Variants in HIVEP3 observed in about 807,000 individuals in gnomAD.
The protein encoded by HIVEP3 is transcription factor HIVEP3.
In HIVEP3, 49 loss-of-function variants were observed where a neutral mutation model predicts 152.8. The ratio of observed to expected loss-of-function variants is 0.32; its 90% CI spans 0.26 to 0.41. The LOEUF (loss-of-function observed/expected upper bound fraction) is 0.41, where lower values mean the gene tolerates loss of function less well. HIVEP3 is among the 10% of genes least tolerant of loss of function. HIVEP3 has a pLI of 1.00. For missense variants in HIVEP3, 2,790 were observed against 3,103.3 expected (o/e 0.90, Z 2.40); for synonymous variants, 1,269 against 1,289.0 (o/e 0.98, Z 0.33).
chr1:41,757,343 T>C (rs1647372519), intron 1 of HIVEP3, among the ~76,000 whole-genome samples: 1 of 151,908 alleles, frequency 6.6e-6, no homozygotes, highest in African/African-American at 2.4e-5. Flanking sequence ...GGTCTCGATC[T>C]CCTGACGTCG....
intron 5 of HIVEP3, among the ~76,000 whole-genome samples, chr1:41,554,358 T>C (rs1424191331): frequency 6.6e-6 from 1 of 152,258 alleles, no homozygotes; most frequent in Non-Finnish European, 1.5e-5. Context: ...AGGTCTTCTC[T>C]ACACTGTTTA....
intron 2 of HIVEP3, among the ~76,000 whole-genome samples, chr1:41,697,662 G>T (rs1374305441): frequency 6.6e-6 from 1 of 152,178 alleles, no homozygotes; most frequent in African/African-American, 2.4e-5. Flanking sequence ...TTTGGGAGGG[G>T]CAGCACCCCT....
intron 1 of HIVEP3, among the ~76,000 whole-genome samples, chr1:41,924,457 C>G (rs983789862): frequency 6.6e-6 from 1 of 152,154 alleles, no homozygotes; most frequent in African/African-American, 2.4e-5. Flanking sequence ...AACAACAATA[C>G]TTACTATGTA....
chr1:41,755,071 G>A (rs544078744), intron 1 of HIVEP3, among the ~76,000 whole-genome samples: 1 of 152,344 alleles, frequency 6.6e-6, no homozygotes, highest in South Asian at 2.1e-4. Flanking sequence ...TATAGCTACA[G>A]TAATCAAGAA....
chr1:41,895,333 C>T lies in HIVEP3; in HGVS notation c.-801+23080G>A, dbSNP rs149017872. 4.1e-3 allele frequency among the ~76,000 whole-genome samples: 621 copies of T among 152,358 alleles called. 7 individuals are homozygous for T. Among genetic ancestry groups the T allele is most frequent in the African/African-American group, 0.015 (606 of 41,584 alleles). On this transcript the variant is annotated intron_variant, in intron 1 of 8. Transcript: ENST00000372583. ...ACATAAACTCATCTCCCCCTACACA[C>T]TCCACGTGGTCTGGCCCCAGCCTTC...
At chr1:41,702,166 T>G (rs1646372320) in intron 1 of HIVEP3, among the ~76,000 whole-genome samples, 1 of 152,010 alleles carries the variant, frequency 6.6e-6, no homozygotes, top group South Asian at 2.1e-4. Flanking sequence ...GCTCAACAAA[T>G]GGGCACCCGA....
At chr1:41,537,506 CA>C (rs1643429323) in intron 5 of HIVEP3, among the ~76,000 whole-genome samples, 1 of 152,196 alleles carries the variant, frequency 6.6e-6, no homozygotes, top group African/African-American at 2.4e-5. Flanking sequence ...GAGGTCCAGC[CA>C]TGGTGAGCTG....
At chr1:41,594,543 T>A (rs1270179288) in intron 3 of HIVEP3, among the ~76,000 whole-genome samples, 1 of 152,210 alleles carries the variant, frequency 6.6e-6, no homozygotes, top group Non-Finnish European at 1.5e-5. Flanking sequence ...TTTTAAAACC[T>A]GTTTCTTGAT....
chr1:41,950,378 A>G (rs1004414566), intron 1 of HIVEP3, among the ~76,000 whole-genome samples: 1 of 152,216 alleles, frequency 6.6e-6, no homozygotes, highest in African/African-American at 2.4e-5. Flanking sequence ...ACCAGCCCCA[A>G]GAGTATTTCC....
In HIVEP3 at chr1:41,522,845, C is replaced by T. The variant is rs187869809; in HGVS notation, c.5383+1890G>A. ...CTGAGGCGATGGGCAGCCCAGGCTG[C>T]GTGTGGGGCACAGGTGTGCTCTGCA... is the stretch of plus-strand genomic sequence containing the variant. On this transcript the variant is annotated intron_variant, in intron 6 of 8. Transcript: ENST00000372583. Among the ~76,000 whole-genome samples the T allele has an allele frequency of 3.7e-4, 57 of 152,324 alleles. 2 individuals are homozygous for T. In the East Asian group the frequency reaches 4.8e-3, roughly 13 times the overall value.
intron 1 of HIVEP3, among the ~76,000 whole-genome samples, chr1:41,781,354 A>C (rs770554549): frequency 2.0e-5 from 3 of 152,172 alleles, no homozygotes; most frequent in African/African-American, 4.8e-5. Context: ...CTAAACCCTA[A>C]ATGCCATTTC....
At chr1:41,856,029 G>A (rs999835351) in intron 1 of HIVEP3, among the ~76,000 whole-genome samples, 3 of 152,210 alleles carry the variant, frequency 2.0e-5, no homozygotes, top group Non-Finnish European at 2.9e-5. Flanking sequence ...GGGACTACAG[G>A]TGCATGCCAC....
In HIVEP3 at chr1:41,876,323, G is replaced by T. The variant is rs184177302; in HGVS notation, c.-801+42090C>A. On this transcript the variant is annotated intron_variant, in intron 1 of 8. Coordinates refer to ENST00000372583, the MANE Select transcript of HIVEP3 (RefSeq NM_024503.5). ...TGAAGATAGTGACAGAGAAGAGACC[G>T]GCTTTGCAGTCAGACTGCAGGGCCT... Among the ~76,000 whole-genome samples, 355 of 152,224 alleles carry T rather than the reference G, an allele frequency of 2.3e-3. 1 individual carries two copies. The highest frequency in any genetic ancestry group is 8.3e-3 in the African/African-American group (343 of 41,556).
intron 1 of HIVEP3, among the ~76,000 whole-genome samples, chr1:41,781,666 G>C (rs1056737319): frequency 5.3e-5 from 8 of 152,150 alleles, no homozygotes; most frequent in Non-Finnish European, 1.0e-4. Flanking sequence ...AGGGTCAATG[G>C]GATAGAGAAA....
intron 1 of HIVEP3, among the ~76,000 whole-genome samples, chr1:41,849,434 C>A (rs1208072759): frequency 6.6e-6 from 1 of 152,186 alleles, no homozygotes; most frequent in Non-Finnish European, 1.5e-5. Flanking sequence ...GTCACAACTT[C>A]TGGAAGCAGC....
intron 2 of HIVEP3, among the ~76,000 whole-genome samples, chr1:41,684,070 G>A (rs1415788409): frequency 2.0e-5 from 3 of 152,220 alleles, no homozygotes; most frequent in Non-Finnish European, 4.4e-5. Context: ...TTGAGATCAA[G>A]TCTGCTCTTT....
rs201418815 is a variant in HIVEP3, at chr1:41,513,079, G to A, written c.6142C>T (p.Arg2048Ter). Residue 2048 changes from arginine to a stop codon, truncating the protein, a stop_gained, in exon 8 of 9, where the codon CGA becomes TGA. Transcript: ENST00000372583. LOFTEE classifies it high-confidence loss of function. ...TCGAGTTTGGAGAGCACATGTGCTC[G>A]AGGGGCCAGTTCTCTTCCCAGGGGG... The part of the protein sequence containing the change: ...LCPLGRELAP[R>*]AHVLSKLEGT... 1.4e-4 allele frequency: 230 copies of A among 1,613,948 alleles called. 1 individual carries two copies. Among genetic ancestry groups the A allele is most frequent in the Admixed American group, 3.2e-4 (19 of 60,034 alleles).
chr1:41,700,432 G>A (rs892913081), intron 2 of HIVEP3, among the ~76,000 whole-genome samples: 3 of 152,138 alleles, frequency 2.0e-5, no homozygotes, highest in Admixed American at 2.0e-4. Context: ...CTCAGTCCAG[G>A]ATCTCTGTGG....
chr1:41,997,078 AAC>A (rs1467481207), intron 1 of HIVEP3, among the ~76,000 whole-genome samples: 1 of 152,242 alleles, frequency 6.6e-6, no homozygotes, highest in African/African-American at 2.4e-5. Context: ...CATATAAGGT[AAC>A]ACACATTCAC....
Sources: allele counts gnomAD v4.1 joint callset (sites outside exome capture counted in the v4.1 genomes callset), GRCh38; gene constraint gnomAD v4.1.1; transcripts MANE v1.5; gene names NCBI Gene and HGNC (gene_info 2026-07-23, HGNC 2026-07-21).